Variants in NAPA observed in about 807,000 individuals in gnomAD.
NAPA encodes alpha-soluble NSF attachment protein.
NAPA carries 18 observed loss-of-function variants against 48.0 expected under a neutral mutation model. That is an observed-to-expected ratio of 0.38 (90% CI 0.26 to 0.56). The LOEUF (loss-of-function observed/expected upper bound fraction) is 0.56, where lower values mean the gene tolerates loss of function less well. Among genes scored for constraint, NAPA ranks in the 20% least tolerant of loss-of-function variants. The pLI, the probability that NAPA is intolerant of heterozygous loss-of-function variation, is 0.77. For missense variants in NAPA, 315 were observed against 385.0 expected (o/e 0.82, Z 1.52); for synonymous variants, 152 against 149.9 (o/e 1.01, Z -0.10).
intron 2 of NAPA, among the ~76,000 whole-genome samples, chr19:47,502,410 C>CT (rs1283236665): frequency 6.6e-6 from 1 of 152,000 alleles, no homozygotes; most frequent in East Asian, 1.9e-4. Context: ...GAGGAATTTT[C>CT]TAAGTTTGGG....
At chr19:47,495,510 G>T in intron 4 of NAPA, 40 bp downstream of exon 4, 1 of 1,607,112 alleles carries the variant, frequency 6.2e-7, no homozygotes, top group Non-Finnish European at 8.5e-7. Flanking sequence ...GGGCAATGCA[G>T]TGGGACCCGG....
chr19:47,509,008 T>C (rs1260126793), intron 1 of NAPA, among the ~76,000 whole-genome samples: 1 of 151,938 alleles, frequency 6.6e-6, no homozygotes, highest in Non-Finnish European at 1.5e-5. Context: ...CCCAGGAGGT[T>C]GAGACTGCAA....
At chr19:47,497,855 A>C (rs1683729126) in intron 3 of NAPA, among the ~76,000 whole-genome samples, 1 of 152,248 alleles carries the variant, frequency 6.6e-6, no homozygotes, top group African/African-American at 2.4e-5. Context: ...AGTAAATGGC[A>C]GCTGGGGAGG....
At position 47,500,621 on chromosome 19, in the gene NAPA, A is replaced by G. The variant is rs925110717; in HGVS notation, c.295+12T>C. On this transcript the variant is annotated intron_variant, in intron 3 of 10. Transcript: ENST00000263354. The stretch of plus-strand genomic sequence containing the variant: ...CGGACAGCCAGCCCGTGTGGCCCGC[A>G]GAGGCCCTCACCTTGGGGGTCGGCT... The G allele has an allele frequency of 1.9e-6, 3 of 1,596,796 alleles. No individual in the cohort carries two copies. The highest frequency in any genetic ancestry group is 2.7e-5 in the African/African-American group (2 of 74,172).
At position 47,493,579 on chromosome 19, in the gene NAPA, C is replaced by A; in HGVS notation, c.343-86G>T. 1 of 1,126,896 alleles carries A rather than the reference C, an allele frequency of 8.9e-7. No individual in the cohort carries two copies. The highest frequency in any genetic ancestry group is 1.3e-6 in the Non-Finnish European group (1 of 745,646). 69.8% of individuals were successfully genotyped at this position (1,126,896 alleles called of 1,614,324 possible). On this transcript the variant is annotated intron_variant, in intron 4 of 10. Coordinates refer to ENST00000263354, the MANE Select transcript of NAPA (RefSeq NM_003827.4). This position sits in a 1 kb window ranked among gnomAD's most constrained non-coding sequence, Gnocchi z 6.4. The stretch of plus-strand genomic sequence containing the variant: ...GACCTATGACCCTTCAAGTTCCCAC[C>A]CCTCAGCCACGCCTGTGAGGAGGTA...
chr19:47,510,365 G>A (rs1237987130), intron 1 of NAPA, among the ~76,000 whole-genome samples: 1 of 152,204 alleles, frequency 6.6e-6, no homozygotes, highest in East Asian at 1.9e-4. Flanking sequence ...TTTGTATACA[G>A]AACACCCTCT....
At chr19:47,497,110 T>G in intron 3 of NAPA, 1 of 246,148 alleles carries the variant, frequency 4.1e-6, no homozygotes, top group South Asian at 3.8e-5. Flanking sequence ...CGGGCCACGC[T>G]GCAGAGGAGA....
chr19:47,500,704 A>G lies in NAPA; in HGVS notation c.224T>C (p.Leu75Pro). The change falls in exon 3 of 11, where the codon CTC becomes CCC. Residue 75 changes from leucine (L) to proline (P), a missense_variant. By Grantham distance (98) the Leu-to-Pro change is moderately conservative. Transcript: ENST00000263354. Reference protein sequence around the residue: ...FCQAAQLHLQLQSKHDAATCF... With the variant: ...FCQAAQLHLQPQSKHDAATCF... ...GGTGGCTGCGTCGTGCTTGCTCTGG[A>G]GCTGCAGGTGCAGCTGTGCAGCCTG... 2 of 1,611,834 alleles carry G rather than the reference A, an allele frequency of 1.2e-6. No individual in the cohort carries two copies. The highest frequency in any genetic ancestry group is 2.2e-5 in the East Asian group (1 of 44,710).
intron 9 of NAPA, among the ~76,000 whole-genome samples, chr19:47,490,057 G>A (rs1968198185): frequency 6.6e-6 from 1 of 150,510 alleles, no homozygotes; most frequent in Non-Finnish European, 1.5e-5. Flanking sequence ...GGTGTGTGGT[G>A]GAGGTGTGTG....
chr19:47,500,263 C>G (rs1235633361), intron 3 of NAPA, among the ~76,000 whole-genome samples: 1 of 152,218 alleles, frequency 6.6e-6, no homozygotes, highest in Non-Finnish European at 1.5e-5. Flanking sequence ...TCCCCGCCCC[C>G]CACACCGCTC....
At position 47,491,939 on chromosome 19, in the gene NAPA, G is replaced by C. The variant is rs1599894131; in HGVS notation, c.666+76C>G. 4 of 1,341,876 alleles carry C rather than the reference G, an allele frequency of 3.0e-6. No homozygotes were observed. The East Asian group carries it at 9.2e-5, about 31-fold the overall frequency. 83.1% of individuals were successfully genotyped at this position (1,341,876 alleles called of 1,614,324 possible). On this transcript the variant is annotated intron_variant, in intron 8 of 10. Coordinates refer to ENST00000263354, the MANE Select transcript of NAPA (RefSeq NM_003827.4). ...TGAGGGAGGAGCACGTCCCTCTTCG[G>C]GGGCAACGGGACCTGGCCTGGAGAT...
chr19:47,485,945 G>A (rs1380696567), downstream of NAPA, among the ~76,000 whole-genome samples: 1 of 152,188 alleles, frequency 6.6e-6, no homozygotes, highest in Non-Finnish European at 1.5e-5. Context: ...TAACCTATAA[G>A]CCACATGTTG....
chr19:47,496,756 C>T lies in NAPA; in HGVS notation c.296-1160G>A, dbSNP rs1416568862. The T allele has an allele frequency of 4.4e-5, 18 of 412,324 alleles. No homozygotes were observed. In the East Asian group the frequency reaches 1.4e-3, roughly 31 times the overall value. The allele number at this position is 412,324 out of a possible 1,614,324, so 25.5% of individuals were successfully genotyped here. On this transcript the variant is annotated intron_variant, in intron 3 of 10. Transcript: ENST00000263354. The stretch of plus-strand genomic sequence containing the variant: ...CCAAACTCCCTCCGTGGGGAGGCAT[C>T]TGGACAGAGGCTCTTTGTCTCAGGT...
chr19:47,500,565 G>A, intron 3 of NAPA, 68 bp downstream of exon 3: 1 of 1,300,008 alleles, frequency 7.7e-7, no homozygotes, highest in Non-Finnish European at 1.0e-6. Context: ...GGAAACCTGA[G>A]GAATCAATGC....
intron 9 of NAPA, among the ~76,000 whole-genome samples, chr19:47,490,032 G>A (rs1381154473): frequency 6.6e-6 from 1 of 151,624 alleles, no homozygotes; most frequent in African/African-American, 2.4e-5. Context: ...TATGGGGGGT[G>A]TGTGTGTTGG....
chr19:47,502,948 A>G (rs1389933710), intron 2 of NAPA, among the ~76,000 whole-genome samples: 2 of 152,224 alleles, frequency 1.3e-5, no homozygotes, highest in South Asian at 2.1e-4. Flanking sequence ...CCAAATCTGT[A>G]AAATAGGGAT....
At position 47,493,541 on chromosome 19, in the gene NAPA, G is replaced by T. The variant is rs370648644; in HGVS notation, c.343-48C>A. 1 of 1,546,598 alleles carries T rather than the reference G, an allele frequency of 6.5e-7. No individual in the cohort carries two copies. The highest frequency in any genetic ancestry group is 8.9e-7 in the Non-Finnish European group (1 of 1,121,322). On this transcript the variant is annotated intron_variant, in intron 4 of 10. Coordinates refer to ENST00000263354, the MANE Select transcript of NAPA (RefSeq NM_003827.4). The surrounding 1 kb of genome is among the most constrained non-coding windows in gnomAD (Gnocchi z 6.4). ...CTGCCTGCGACTCATGACCTCCTGC[G>T]TGCCTGCCTGCTGACCTATGACCCT...
intron 1 of NAPA, among the ~76,000 whole-genome samples, chr19:47,511,275 T>C (rs556787976): frequency 5.9e-5 from 9 of 152,292 alleles, no homozygotes; most frequent in African/African-American, 2.2e-4. Context: ...AGGAGGTGCC[T>C]GAGTGATTCC....
At chr19:47,502,739 C>T (rs8106455) in intron 2 of NAPA, among the ~76,000 whole-genome samples, 17,498 of 152,256 alleles carry the variant, frequency 0.11, 1,172 homozygotes, top group East Asian at 0.22. Context: ...CTTGGGCCTG[C>T]AGGGAGCTCC....
Sources: gnomAD v4.1 joint callset for allele counts (sites outside exome capture counted in the v4.1 genomes callset) on GRCh38, gnomAD v4.1.1 for gene constraint, Gnocchi (gnomAD v3.1) non-coding constraint, MANE v1.5 for transcripts, NCBI Gene and HGNC (gene_info 2026-07-23, HGNC 2026-07-21) for gene names.